KCNK18: variants seen among roughly 807,000 people sequenced by gnomAD.
The protein encoded by KCNK18 is potassium channel subfamily K member 18.
Under a neutral mutation model 11.8 loss-of-function variants are expected in KCNK18, and 8 were observed. That is an observed-to-expected ratio of 0.68 (90% CI 0.40 to 1.22). The LOEUF (loss-of-function observed/expected upper bound fraction) is 1.22. Ranked by LOEUF, KCNK18 falls within the 50% of genes most tolerant of loss-of-function variation. KCNK18 has a pLI of 0.01. For synonymous variants in KCNK18, 208 were observed against 185.8 expected (o/e 1.12, Z -0.97); for missense variants, 442 against 465.4 (o/e 0.95, Z 0.46).
At chr10:117,197,832 C>T (rs1372068819) in intron 1 of KCNK18, 121 bp downstream of exon 1, 1 of 808,872 alleles carries the variant, frequency 1.2e-6, no homozygotes, top group South Asian at 1.4e-5. Context: ...CCTCCTCATG[C>T]CTGGGCACTT....
chr10:117,197,744 T>C, intron 1 of KCNK18, 33 bp downstream of exon 1: 2 of 1,587,154 alleles, frequency 1.3e-6, no homozygotes, highest in East Asian at 4.5e-5. Flanking sequence ...GTGGGCCTTT[T>C]CTCCGTGGTG....
intron 2 of KCNK18, among the ~76,000 whole-genome samples, chr10:117,207,664 A>T (rs1855091801): frequency 6.6e-6 from 1 of 151,944 alleles, no homozygotes; most frequent in Non-Finnish European, 1.5e-5. Context: ...AACTGATGAG[A>T]CTCTTTGAGA....
chr10:117,197,715 G>A lies in KCNK18; in HGVS notation c.223+4G>A. On this transcript the variant is annotated splice_donor_region_variant and intron_variant, in intron 1 of 2. Transcript: ENST00000334549. ...ATCTTGAACTGCAGTGAAACAGGTA[G>A]GTGCCTCACCTGGACAGGGTGGGCC... The A allele has an allele frequency of 1.9e-6, 3 of 1,613,380 alleles. No individual in the cohort carries two copies. The South Asian group carries it at 3.3e-5, about 18-fold the overall frequency.
At chr10:117,204,759 C>A (rs994350667) in intron 2 of KCNK18, among the ~76,000 whole-genome samples, 1 of 152,134 alleles carries the variant, frequency 6.6e-6, no homozygotes, top group African/African-American at 2.4e-5. Flanking sequence ...TCAGAGTCAC[C>A]TGCAGAGCTT....
chr10:117,204,217 G>A (rs1021089852), intron 2 of KCNK18, among the ~76,000 whole-genome samples: 1 of 149,832 alleles, frequency 6.7e-6, no homozygotes, highest in African/African-American at 2.5e-5. Context: ...AGCCATGATC[G>A]CGCCACTGCA....
chr10:117,207,999 C>T (rs1362041204), intron 2 of KCNK18, among the ~76,000 whole-genome samples: 1 of 152,194 alleles, frequency 6.6e-6, no homozygotes, highest in Admixed American at 6.5e-5. Context: ...TCTGTCTGCT[C>T]CTGCCCCTCT....
Position 117,200,814 on chromosome 10 carries a change from GAA to G in KCNK18, c.224-334_224-333del, listed in dbSNP as rs36101740. On this transcript the variant is annotated intron_variant, in intron 1 of 2. Coordinates refer to ENST00000334549, the MANE Select transcript of KCNK18 (RefSeq NM_181840.1). ...CAACAGAGCAAGACTCTTGTCTCAA[GAA>G]AAAAAAAAAACAGATGAAAGAAATG... Among the ~76,000 whole-genome samples, 3 of 145,516 alleles carry G rather than the reference GAA, an allele frequency of 2.1e-5. No individual in the cohort carries two copies. In the South Asian group the frequency reaches 6.5e-4, roughly 32 times the overall value.
intron 1 of KCNK18, among the ~76,000 whole-genome samples, chr10:117,200,749 T>C (rs1589965474): frequency 6.8e-6 from 1 of 147,404 alleles, no homozygotes. Context: ...GAGGTGGAGG[T>C]TGCAGCGAGC....
intron 2 of KCNK18, among the ~76,000 whole-genome samples, chr10:117,204,399 T>A (rs759081745): frequency 2.6e-5 from 4 of 152,170 alleles, no homozygotes; most frequent in Non-Finnish European, 5.9e-5. Context: ...CAATGTAGGA[T>A]GTTGAGCAGC....
intron 1 of KCNK18, among the ~76,000 whole-genome samples, chr10:117,200,722 G>A (rs1855003193): frequency 6.6e-6 from 1 of 151,928 alleles, no homozygotes. Flanking sequence ...TGAAGCAAGA[G>A]GATTGCTTGA....
At chr10:117,203,013 T>C (rs1474003285) in intron 2 of KCNK18, among the ~76,000 whole-genome samples, 1 of 151,244 alleles carries the variant, frequency 6.6e-6, no homozygotes, top group Non-Finnish European at 1.5e-5. Context: ...GTAGCTGGGA[T>C]TACAGGCATG....
chr10:117,203,035 T>C (rs1855033737), intron 2 of KCNK18, among the ~76,000 whole-genome samples: 1 of 151,852 alleles, frequency 6.6e-6, no homozygotes, highest in African/African-American at 2.4e-5. Context: ...ACCACCACGC[T>C]TGGCTAATTT....
intron 1 of KCNK18, among the ~76,000 whole-genome samples, chr10:117,198,257 G>A (rs1421881551): frequency 1.3e-5 from 2 of 152,168 alleles, no homozygotes; most frequent in East Asian, 1.9e-4. Context: ...CTGGCTCAGC[G>A]GAGTGGGGAG....
In KCNK18 at chr10:117,201,181, T is replaced by A; in HGVS notation, c.246T>A (p.Asp82Glu). The A allele has an allele frequency of 6.2e-7, 1 of 1,614,130 alleles. No individual in the cohort carries two copies. The highest frequency in any genetic ancestry group is 8.5e-7 in the Non-Finnish European group (1 of 1,180,018). ...CAGTGGTGGAAGACAGAAAACAGGA[T>A]CTCCAGGGGCATCTGCAGAAGGTGA... ...SETVVEDRKQDLQGHLQKVKP... is the reference protein window; with the variant it reads ...SETVVEDRKQELQGHLQKVKP... Residue 82 changes from aspartate (D) to glutamate (E), a missense_variant, in exon 2 of 3, where the codon GAT becomes GAA. By Grantham distance (45) the Asp-to-Glu change is conservative (BLOSUM62 2). Transcript: ENST00000334549.
intron 2 of KCNK18, among the ~76,000 whole-genome samples, chr10:117,204,732 C>T (rs1035209118): frequency 1.3e-5 from 2 of 152,128 alleles, no homozygotes; most frequent in African/African-American, 4.8e-5. Context: ...GTTTGAGAAG[C>T]GTGCCCTGGC....
intron 2 of KCNK18, among the ~76,000 whole-genome samples, chr10:117,205,630 C>T (rs1049306542): frequency 2.6e-5 from 4 of 152,158 alleles, no homozygotes; most frequent in African/African-American, 9.7e-5. Flanking sequence ...CTCTCAGCTC[C>T]CACCTCAGCC....
At chr10:117,206,515 G>C (rs769478047) in intron 2 of KCNK18, among the ~76,000 whole-genome samples, 1 of 152,152 alleles carries the variant, frequency 6.6e-6, no homozygotes, top group Non-Finnish European at 1.5e-5. Flanking sequence ...GATTCTAGGA[G>C]TTAGGACTTG....
chr10:117,210,227 G>A lies in KCNK18; in HGVS notation c.1083G>A (p.Arg361=). 3 of 1,614,148 alleles carry A rather than the reference G, an allele frequency of 1.9e-6. No homozygotes were observed. The highest frequency in any genetic ancestry group is 2.5e-6 in the Non-Finnish European group (3 of 1,180,008). The change falls in exon 3 of 3, where the codon AGG becomes AGA. Residue 361 remains arginine (R), a synonymous_variant. Coordinates refer to ENST00000334549, the MANE Select transcript of KCNK18 (RefSeq NM_181840.1). ...TTGCTTTCAAGTTGGTGCAAAACAG[G>A]CTGATTGACATATACAAAAATGTTA... ...VFIAFKLVQN[R]LIDIYKNVML...
chr10:117,201,365 G>A, intron 2 of KCNK18, 78 bp downstream of exon 2: 5 of 1,509,254 alleles, frequency 3.3e-6, no homozygotes, highest in Non-Finnish European at 4.6e-6. Flanking sequence ...CACTGGAATT[G>A]GGGTGTGGAG....
Sources: gnomAD v4.1 joint callset for allele counts (sites outside exome capture counted in the v4.1 genomes callset) on GRCh38, gnomAD v4.1.1 for gene constraint, MANE v1.5 for transcripts, NCBI Gene and HGNC (gene_info 2026-07-23, HGNC 2026-07-21) for gene names.